Variants in CPPED1 observed in about 807,000 individuals in gnomAD.
The protein encoded by CPPED1 is serine/threonine-protein phosphatase CPPED1.
CPPED1 carries 28 observed loss-of-function variants against 28.0 expected under a neutral mutation model. The ratio of observed to expected loss-of-function variants is 1.00; its 90% CI spans 0.74 to 1.37. The LOEUF is 1.37. CPPED1 is among the 40% of genes most tolerant of loss of function. The pLI is 0.00. For missense variants in CPPED1, 504 were observed against 416.5 expected (o/e 1.21, Z -1.83); for synonymous variants, 198 against 180.2 (o/e 1.10, Z -0.79).
chr16:12,739,880 G>T (rs1053831947), intron 2 of CPPED1, among the ~76,000 whole-genome samples: 4 of 152,084 alleles, frequency 2.6e-5, no homozygotes, highest in Admixed American at 6.6e-5. Flanking sequence ...AAACAGTGAG[G>T]TGATGGCTGG....
chr16:12,712,034 GA>G (rs1405910258), intron 2 of CPPED1, among the ~76,000 whole-genome samples: 2 of 152,136 alleles, frequency 1.3e-5, no homozygotes, highest in African/African-American at 4.8e-5. Flanking sequence ...CTGTCCCTGA[GA>G]AATGCAGGAA....
Position 12,803,809 on chromosome 16 carries a change from C to T in CPPED1, c.-33G>A. ...GAGTTTCTGGCCTTCACTTAGAACACTGCGTGGGTGGAAGCCGCGCGACTT... is the reference window on the plus strand; with the variant it reads ...GAGTTTCTGGCCTTCACTTAGAACATTGCGTGGGTGGAAGCCGCGCGACTT... On this transcript the variant is annotated 5_prime_UTR_variant, in exon 1 of 4. It adds an upstream start codon to the 5' untranslated region. Coordinates refer to ENST00000381774, the MANE Select transcript of CPPED1 (RefSeq NM_018340.3). The T allele has an allele frequency of 6.3e-7, 1 of 1,582,038 alleles. No homozygotes were observed. Among genetic ancestry groups the T allele is most frequent in the Non-Finnish European group, 8.6e-7 (1 of 1,165,020 alleles).
intron 3 of CPPED1, among the ~76,000 whole-genome samples, chr16:12,672,909 G>C (rs2079859706): frequency 6.6e-6 from 1 of 152,180 alleles, no homozygotes; most frequent in Non-Finnish European, 1.5e-5. Flanking sequence ...AGCTACTTGG[G>C]AGGCTGAGGC....
intron 2 of CPPED1, among the ~76,000 whole-genome samples, chr16:12,708,143 T>C (rs1051799929): frequency 6.6e-6 from 1 of 151,692 alleles, no homozygotes; most frequent in African/African-American, 2.4e-5. Context: ...TGAGATTCTG[T>C]CTCAAAAAAA....
At chr16:12,763,180 C>T (rs1046191387) in intron 2 of CPPED1, among the ~76,000 whole-genome samples, 4 of 151,056 alleles carry the variant, frequency 2.6e-5, no homozygotes, top group Non-Finnish European at 4.4e-5. Flanking sequence ...TGCAGTGAGC[C>T]GAGATGGTGC....
chr16:12,671,140 C>T (rs777003426), intron 3 of CPPED1, among the ~76,000 whole-genome samples: 4 of 152,116 alleles, frequency 2.6e-5, no homozygotes, highest in African/African-American at 7.2e-5. Flanking sequence ...TGTGAGCCAT[C>T]GCGTCTGGCT....
At chr16:12,672,174 T>C (rs2079855998) in intron 3 of CPPED1, among the ~76,000 whole-genome samples, 1 of 152,270 alleles carries the variant, frequency 6.6e-6, no homozygotes, top group South Asian at 2.1e-4. Flanking sequence ...TGCAATTCCA[T>C]TGACTTCTTA....
chr16:12,767,414 C>A (rs1241284935), intron 2 of CPPED1, among the ~76,000 whole-genome samples: 1 of 152,126 alleles, frequency 6.6e-6, no homozygotes, highest in Non-Finnish European at 1.5e-5. Flanking sequence ...ACGAACACAC[C>A]CAGAAATCAT....
At chr16:12,729,718 A>C (rs1046431645) in intron 2 of CPPED1, among the ~76,000 whole-genome samples, 1 of 152,230 alleles carries the variant, frequency 6.6e-6, no homozygotes, top group Non-Finnish European at 1.5e-5. Context: ...AGTTAAATAT[A>C]GTAGATTGAA....
intron 2 of CPPED1, among the ~76,000 whole-genome samples, chr16:12,734,402 G>A (rs1205154929): frequency 2.0e-5 from 3 of 147,688 alleles, no homozygotes; most frequent in East Asian, 2.0e-4. Context: ...TTTTTGAGAC[G>A]GAGTCTCGCT....
chr16:12,756,474 C>T (rs1211427980), intron 2 of CPPED1, among the ~76,000 whole-genome samples: 1 of 152,060 alleles, frequency 6.6e-6, no homozygotes, highest in South Asian at 2.1e-4. Context: ...GAGGGAGGAC[C>T]ACTTGAGGTC....
chr16:12,780,816 TAAAAGTG>T (rs989673233), intron 2 of CPPED1, among the ~76,000 whole-genome samples: 1 of 149,610 alleles, frequency 6.7e-6, no homozygotes, highest in African/African-American at 2.5e-5. Flanking sequence ...AAGGGAGAAA[TAAAAGTG>T]TAAGAAGAAA....
Position 12,696,894 on chromosome 16 carries a change from G to T in CPPED1, c.715+7730C>A, listed in dbSNP as rs183859578. 5.9e-5 allele frequency among the ~76,000 whole-genome samples: 9 copies of T among 152,226 alleles called. No homozygotes were observed. The East Asian group carries it at 1.7e-3, about 29-fold the overall frequency. On this transcript the variant is annotated intron_variant, in intron 3 of 3. Coordinates refer to ENST00000381774, the MANE Select transcript of CPPED1 (RefSeq NM_018340.3). ...CAAGCAACTTAAGAAGCCAAATCCTGTCTGTTCACCTGCCATGTTATAGGA... is the reference window on the plus strand; with the variant it reads ...CAAGCAACTTAAGAAGCCAAATCCTTTCTGTTCACCTGCCATGTTATAGGA...
In CPPED1 at chr16:12,661,908, C is replaced by T. The variant is rs917243784; in HGVS notation, c.*2978G>A. 1 of 152,438 alleles carries T rather than the reference C, an allele frequency of 6.6e-6. No homozygotes were observed. Among genetic ancestry groups the T allele is most frequent in the African/African-American group, 2.4e-5 (1 of 41,470 alleles). The allele number at this position is 152,438 out of a possible 1,614,324, so 9.4% of individuals were successfully genotyped here. On this transcript the variant is annotated 3_prime_UTR_variant, in exon 4 of 4. Coordinates refer to ENST00000381774, the MANE Select transcript of CPPED1 (RefSeq NM_018340.3). ...TCCCTGGGCCTCCAGCTAACGCTGT[C>T]CAAGGTGCTGAATACCGTACTCAGT...
At chr16:12,694,209 A>G (rs7186493) in intron 3 of CPPED1, among the ~76,000 whole-genome samples, 22,186 of 152,112 alleles carry the variant, frequency 0.15, 1,804 homozygotes, top group Middle Eastern at 0.22. Flanking sequence ...CTCTCACAAA[A>G]AACAAAAGAA....
In CPPED1 at chr16:12,700,000, T is replaced by C. The variant is rs566619444; in HGVS notation, c.715+4624A>G. On this transcript the variant is annotated intron_variant, in intron 3 of 3. Transcript: ENST00000381774. ...GTACAGCCAAGAGCGCCCACCTACA[T>C]GAGCTTCCAAGCCCAGCAAGTCTAT... 3.9e-5 allele frequency among the ~76,000 whole-genome samples: 6 copies of C among 152,344 alleles called. No individual in the cohort carries two copies. The East Asian group carries it at 5.8e-4, about 15-fold the overall frequency.
chr16:12,676,492 T>A (rs576136832), intron 3 of CPPED1, among the ~76,000 whole-genome samples: 1 of 152,320 alleles, frequency 6.6e-6, no homozygotes, highest in South Asian at 2.1e-4. Flanking sequence ...CATCCCCTTT[T>A]GCAGATGAGG....
intron 3 of CPPED1, among the ~76,000 whole-genome samples, chr16:12,681,409 G>T (rs969468213): frequency 6.6e-6 from 1 of 152,032 alleles, no homozygotes; most frequent in African/African-American, 2.4e-5. Flanking sequence ...CTTGACCTTG[G>T]ACTTCCCAAC....
chr16:12,683,490 G>T (rs538564814), intron 3 of CPPED1, among the ~76,000 whole-genome samples: 1 of 152,050 alleles, frequency 6.6e-6, no homozygotes, highest in East Asian at 1.9e-4. Flanking sequence ...GCCAACAATC[G>T]GTTCCTAGGC....
Sources: allele counts gnomAD v4.1 joint callset (sites outside exome capture counted in the v4.1 genomes callset), GRCh38; gene constraint gnomAD v4.1.1; transcripts MANE v1.5; gene names NCBI Gene and HGNC (gene_info 2026-07-23, HGNC 2026-07-21).